The following GNRH1 variants were observed in gnomAD, a reference collection of about 807,000 sequenced individuals.
GNRH1 encodes the protein progonadoliberin-1.
Under a neutral mutation model 13.6 loss-of-function variants are expected in GNRH1, and 9 were observed. That is an observed-to-expected ratio of 0.66 (90% CI 0.40 to 1.15). The LOEUF (loss-of-function observed/expected upper bound fraction) is 1.15, where lower values mean the gene tolerates loss of function less well. GNRH1 is among the 50% of genes most tolerant of loss of function. The pLI is 0.01. For synonymous variants in GNRH1, 44 were observed against 40.1 expected (o/e 1.10, Z -0.37); for missense variants, 116 against 110.8 (o/e 1.05, Z -0.21).
In GNRH1 at chr8:25,423,254, C is replaced by T. The variant is rs1312491226; in HGVS notation, c.77G>A (p.Trp26Ter). Residue 26 changes from tryptophan (W) to a stop codon, truncating the protein, a stop_gained, in exon 2 of 4, where the codon TGG (tryptophan) becomes TAG (stop). Transcript: ENST00000421054. LOFTEE classifies it high-confidence loss of function. ...WCVEGCSSQH[W>*]SYGLRPGGKR... The stretch of plus-strand genomic sequence containing the variant: ...TCCTCCAGGGCGCAGTCCATAGGAC[C>T]AGTGCTGGCTGGAGCAGCCTTCCAC... 1 of 1,612,090 alleles carries T rather than the reference C, an allele frequency of 6.2e-7. No individual in the cohort carries two copies. Among genetic ancestry groups the T allele is most frequent in the Non-Finnish European group, 8.5e-7 (1 of 1,178,140 alleles).
At chr8:25,421,474 C>T in intron 3 of GNRH1, 99 bp downstream of exon 3, 1 of 665,702 alleles carries the variant, frequency 1.5e-6, no homozygotes, top group Non-Finnish European at 2.8e-6. Flanking sequence ...GAATGTAAGC[C>T]CCACAGTATC....
Position 25,419,335 on chromosome 8 carries a change from G to T in GNRH1, c.*84C>A. The stretch of plus-strand genomic sequence containing the variant: ...ATTTCTGAAATTCATACCATTTACA[G>T]GTATTTAATGGGTTATAAATTTTCA... On this transcript the variant is annotated 3_prime_UTR_variant, in exon 4 of 4. Transcript: ENST00000421054. 1.2e-6 allele frequency: 1 copy of T among 801,344 alleles called. No homozygotes were observed. Among genetic ancestry groups the T allele is most frequent in the Non-Finnish European group, 2.3e-6 (1 of 438,814 alleles). 49.6% of individuals were successfully genotyped at this position (801,344 alleles called of 1,614,324 possible).
chr8:25,421,426 A>C (rs1424821085), intron 3 of GNRH1, 147 bp downstream of exon 3: 1 of 559,616 alleles, frequency 1.8e-6, no homozygotes, highest in Non-Finnish European at 3.2e-6. Flanking sequence ...GATTGTCATG[A>C]AACACGGTCC....
At chr8:25,423,684 CTCTT>C (rs900408771) in intron 1 of GNRH1, 4 of 268,030 alleles carry the variant, frequency 1.5e-5, no homozygotes, top group Non-Finnish European at 2.9e-5. Context: ...TGGTCTTCAA[CTCTT>C]TCATTCCTGA....
intron 3 of GNRH1, among the ~76,000 whole-genome samples, chr8:25,420,766 A>G (rs1801759456): frequency 1.3e-5 from 2 of 152,148 alleles, no homozygotes; most frequent in East Asian, 3.9e-4. Flanking sequence ...GCAAGTGCTT[A>G]TAGTCCCAGC....
In GNRH1 at chr8:25,423,235, A is replaced by G; in HGVS notation, c.96T>C (p.Pro32=). ...AATTTTCGGCATCTCTCTTTCCTCC[A>G]GGGCGCAGTCCATAGGACCAGTGCT... ...SSQHWSYGLR[P]GGKRDAENLI... The change falls in exon 2 of 4, where the codon CCT becomes CCC. Residue 32 remains proline, a synonymous_variant. Coordinates refer to ENST00000421054, the MANE Select transcript of GNRH1 (RefSeq NM_001083111.2). 1 of 1,613,184 alleles carries G rather than the reference A, an allele frequency of 6.2e-7. No individual in the cohort carries two copies. The highest frequency in any genetic ancestry group is 1.1e-5 in the South Asian group (1 of 91,076).
At chr8:25,423,365 C>T in intron 1 of GNRH1, 34 bp from the exon 2 acceptor site, 1 of 1,600,672 alleles carries the variant, frequency 6.2e-7, no homozygotes, top group Non-Finnish European at 8.6e-7. Flanking sequence ...AAATTAGATC[C>T]AGACAAGGTT....
chr8:25,419,918 G>C (rs914072661), intron 3 of GNRH1, among the ~76,000 whole-genome samples: 1 of 152,022 alleles, frequency 6.6e-6, no homozygotes, highest in African/African-American at 2.4e-5. Context: ...CACTGTGCCT[G>C]GCCGATTGGG....
At chr8:25,421,061 A>T (rs1301713820) in intron 3 of GNRH1, among the ~76,000 whole-genome samples, 2 of 152,114 alleles carry the variant, frequency 1.3e-5, no homozygotes, top group Non-Finnish European at 2.9e-5. Context: ...CTAAATTATA[A>T]ATTTAGTAGT....
intron 3 of GNRH1, among the ~76,000 whole-genome samples, chr8:25,420,317 G>C (rs1801754298): frequency 6.6e-6 from 1 of 150,678 alleles, no homozygotes; most frequent in Non-Finnish European, 1.5e-5. Flanking sequence ...GGGAGGCTGA[G>C]TCAGGAGAAT....
rs1801813185 is a variant in GNRH1, at chr8:25,424,210, G to A, written c.-11C>T. The A allele has an allele frequency of 6.6e-6, 1 of 152,200 alleles. No individual in the cohort carries two copies. 9.4% of individuals were successfully genotyped at this position (152,200 alleles called of 1,614,324 possible). A position where few individuals can be genotyped will look rare whatever the true frequency, so the allele number is the denominator to read the frequency against. ...ATACAAAGCCTTTTACCTGTTTAGA[G>A]GCAGAGAGCCAAAAAGATCCCAATC... is the stretch of plus-strand genomic sequence containing the variant. On this transcript the variant is annotated 5_prime_UTR_variant, in exon 1 of 4. Transcript: ENST00000421054.
chr8:25,423,385 C>T (rs368356479), intron 1 of GNRH1, 54 bp from the exon 2 acceptor site: 1 of 1,482,022 alleles, frequency 6.7e-7, no homozygotes. Flanking sequence ...TGAGTATAAA[C>T]TAAAAGACCT....
At chr8:25,419,928 G>C (rs1801749520) in intron 3 of GNRH1, among the ~76,000 whole-genome samples, 1 of 151,952 alleles carries the variant, frequency 6.6e-6, no homozygotes, top group Non-Finnish European at 1.5e-5. Flanking sequence ...GGCCGATTGG[G>C]TCTTTTTAAG....
intron 1 of GNRH1, chr8:25,423,861 GGA>G (rs970274871): frequency 2.3e-4 from 38 of 168,382 alleles, no homozygotes; most frequent in African/African-American, 7.7e-4. Context: ...ACCATCTGTG[GGA>G]GAGAGGACTC....
At chr8:25,421,743 T>C in intron 2 of GNRH1, 75 bp from the exon 3 acceptor site, 1 of 709,030 alleles carries the variant, frequency 1.4e-6, no homozygotes, top group African/African-American at 1.8e-5. Context: ...CACCAAAAAA[T>C]TGTGGAGAGT....
At chr8:25,420,065 T>C (rs888521084) in intron 3 of GNRH1, among the ~76,000 whole-genome samples, 1 of 152,230 alleles carries the variant, frequency 6.6e-6, no homozygotes, top group Non-Finnish European at 1.5e-5. Flanking sequence ...CATAATGTCA[T>C]GTTTGACAAA....
chr8:25,419,814 G>C (rs183428993), intron 3 of GNRH1, among the ~76,000 whole-genome samples: 11 of 152,090 alleles, frequency 7.2e-5, no homozygotes, highest in Admixed American at 7.2e-4. Flanking sequence ...TAGAGACAGG[G>C]TGTCACCATG....
At chr8:25,423,419 G>A (rs1801802538) in intron 1 of GNRH1, 88 bp from the exon 2 acceptor site, 4 of 1,124,330 alleles carry the variant, frequency 3.6e-6, no homozygotes, top group South Asian at 2.5e-5. Context: ...GCTAGCATCT[G>A]TATCACTAAC....
intron 3 of GNRH1, among the ~76,000 whole-genome samples, chr8:25,421,209 C>T (rs936988715): frequency 6.6e-5 from 10 of 152,116 alleles, no homozygotes; most frequent in Admixed American, 6.5e-4. Context: ...TGTGGAGTAG[C>T]CTGGAGTGGA....
Sources: gnomAD v4.1 joint callset for allele counts (sites outside exome capture counted in the v4.1 genomes callset) on GRCh38, gnomAD v4.1.1 for gene constraint, MANE v1.5 for transcripts, NCBI Gene and HGNC (gene_info 2026-07-23, HGNC 2026-07-21) for gene names.